FAT4: variants seen among roughly 807,000 people sequenced by gnomAD.
FAT4 encodes the protein FAT atypical cadherin 4, also known as protocadherin Fat 4.
Under a neutral mutation model 303.9 loss-of-function variants are expected in FAT4, and 84 were observed. That is an observed-to-expected ratio of 0.28 (90% CI 0.23 to 0.33). The LOEUF (loss-of-function observed/expected upper bound fraction) is 0.33, where lower values mean the gene tolerates loss of function less well. Ranked by LOEUF, FAT4 falls within the 10% of genes least tolerant of loss-of-function variation. The probability of loss-of-function intolerance (pLI) is 1.00; values close to 1 mark genes in which losing one functional copy is unlikely to be tolerated. For missense variants in FAT4, 6,005 were observed against 6,146.8 expected, an observed-to-expected ratio of 0.98 and a Z score of 0.77; for synonymous variants, 2,307 against 2,298.8, an observed-to-expected ratio of 1.00 and a Z score of -0.10.
At chr4:125,454,031 T>A (rs1476052315) in intron 10 of FAT4, among the ~76,000 whole-genome samples, 2 of 152,186 alleles carry the variant, frequency 1.3e-5, no homozygotes, top group African/African-American at 4.8e-5. Context: ...AGAGCAAAAT[T>A]CTATCTTATA....
At chr4:125,481,419 C>G in intron 15 of FAT4, 102 bp from the exon 16 acceptor site, 1 of 953,698 alleles carries the variant, frequency 1.0e-6, no homozygotes, top group Non-Finnish European at 1.6e-6. Context: ...ATTCCCAAAA[C>G]GACATTTTCA....
In FAT4 at chr4:125,321,180, T is replaced by C; in HGVS notation, c.4769T>C (p.Leu1590Ser). The C allele has an allele frequency of 6.2e-7, 1 of 1,614,174 alleles. No homozygotes were observed. Among genetic ancestry groups the C allele is most frequent in the Non-Finnish European group, 8.5e-7 (1 of 1,180,012 alleles). Residue 1590 changes from leucine to serine, a missense_variant, in exon 2 of 18, where the codon TTG becomes TCG. Leu to Ser is a moderately radical substitution (Grantham distance 145, BLOSUM62 -2). Transcript: ENST00000394329. ...GGAGACCTGAGAGTGGCTTCAGCGT[T>C]GGTGCCTTCACAGTTGATCTACAAT... is the stretch of plus-strand genomic sequence containing the variant. Reference protein sequence around the residue: ...YSGDLRVASALVPSQLIYNLI... With the variant: ...YSGDLRVASASVPSQLIYNLI...
At chr4:125,454,764 T>G (rs1001024080) in intron 10 of FAT4, among the ~76,000 whole-genome samples, 2 of 152,092 alleles carry the variant, frequency 1.3e-5, no homozygotes, top group African/African-American at 4.8e-5. Context: ...ACCCGGGAGA[T>G]GGAGGTTGCA....
Position 125,491,012 on chromosome 4 carries a change from T to A in FAT4, c.14196T>A (p.Thr4732=). Residue 4732 remains threonine (T), a synonymous_variant, in exon 18 of 18, where the codon ACT becomes ACA. Coordinates refer to ENST00000394329, the MANE Select transcript of FAT4 (RefSeq NM_001291303.3). ...ATCTTCCTATAAGGGATGGTAATAC[T>A]TTGGAAATGCATGGTGACACCTGCC... ...ELHLPIRDGN[T]LEMHGDTCQP... 1 of 1,614,208 alleles carries A rather than the reference T, an allele frequency of 6.2e-7. No individual in the cohort carries two copies.
chr4:125,393,842 T>C (rs922967308), intron 2 of FAT4: 13 of 667,412 alleles, frequency 1.9e-5, no homozygotes, highest in South Asian at 1.1e-4. Context: ...AGTCATGTGT[T>C]TGTCTCTAAA....
intron 11 of FAT4, among the ~76,000 whole-genome samples, chr4:125,466,923 T>C (rs909263647): frequency 7.2e-5 from 11 of 151,908 alleles, no homozygotes; most frequent in African/African-American, 1.5e-4. Context: ...TGCAGGTGCC[T>C]GCCACCATGC....
At chr4:125,355,479 C>G (rs2125981257) in intron 2 of FAT4, among the ~76,000 whole-genome samples, 1 of 151,984 alleles carries the variant, frequency 6.6e-6, no homozygotes, top group East Asian at 1.9e-4. Flanking sequence ...ATATTACGAA[C>G]TTGGTTTGAG....
intron 12 of FAT4, among the ~76,000 whole-genome samples, chr4:125,471,264 A>G (rs1246642679): frequency 1.3e-5 from 2 of 152,240 alleles, no homozygotes; most frequent in Admixed American, 6.5e-5. Flanking sequence ...AATATTTGAA[A>G]TATTGTGAGA....
At position 125,489,996 on chromosome 4, in the gene FAT4, C is replaced by T. The variant is rs772779154; in HGVS notation, c.13180C>T (p.Pro4394Ser). The T allele has an allele frequency of 1.1e-5, 18 of 1,613,824 alleles. No homozygotes were observed. The East Asian group carries it at 3.6e-4, about 32-fold the overall frequency. ...HSLASISKTDPSVKIGCRGPN... is the reference protein window; with the variant it reads ...HSLASISKTDSSVKIGCRGPN... ...CTTGGCCTCCATCTCAAAAACAGAT[C>T]CCTCAGTGAAGATTGGCTGCCGTGG... is the stretch of plus-strand genomic sequence containing the variant. The change falls in exon 18 of 18, where the codon CCC (proline) becomes TCC (serine). Residue 4394 changes from proline (P) to serine (S), a missense_variant. Transcript: ENST00000394329.
In FAT4 at chr4:125,319,611, T is replaced by G. The variant is rs1435332190; in HGVS notation, c.3200T>G (p.Val1067Gly). Residue 1067 changes from valine (V) to glycine (G), a missense_variant, in exon 2 of 18, where the codon GTT (valine) becomes GGT (glycine). Val to Gly is a moderately radical substitution (Grantham distance 109). Transcript: ENST00000394329. The stretch of plus-strand genomic sequence containing the variant: ...GACCGTGAACTTCAAGACAGATATG[T>G]TTTAATGGTTGTTGCTTCTGACAGA... The part of the protein sequence containing the change: ...ELDRELQDRY[V>G]LMVVASDRAV... The G allele has an allele frequency of 6.2e-7, 1 of 1,614,072 alleles. No individual in the cohort carries two copies. The highest frequency in any genetic ancestry group is 8.5e-7 in the Non-Finnish European group (1 of 1,179,918).
intron 2 of FAT4, among the ~76,000 whole-genome samples, chr4:125,389,825 A>G (rs79031396): frequency 0.054 from 8,222 of 152,274 alleles, 235 homozygotes; most frequent in Middle Eastern, 0.095. Context: ...TTGTTCATAG[A>G]GATCAGGCCT....
intron 2 of FAT4, among the ~76,000 whole-genome samples, chr4:125,321,841 A>G (rs1271240203): frequency 6.6e-6 from 1 of 152,186 alleles, no homozygotes; most frequent in African/African-American, 2.4e-5. Flanking sequence ...AAGGTTAAGG[A>G]GAAATCTTTA....
intron 8 of FAT4, among the ~76,000 whole-genome samples, chr4:125,445,498 T>A (rs1265899278): frequency 6.6e-6 from 1 of 152,158 alleles, no homozygotes; most frequent in African/African-American, 2.4e-5. Flanking sequence ...ATCTTTCAAC[T>A]TTAAAAATTA....
Position 125,481,603 on chromosome 4 carries a change from T to C in FAT4, c.12687T>C (p.Tyr4229=), listed in dbSNP as rs146931633. The part of the protein sequence containing the change: ...YHMSQNEKRE[Y]LLRQSLRGAM... ...TGAGTCAGAATGAGAAGCGGGAATA[T>C]TTGTTAAGGCAAAGCTTACGAGGTG... The change falls in exon 16 of 18, where the codon TAT becomes TAC. Residue 4229 remains tyrosine, a synonymous_variant. Coordinates refer to ENST00000394329, the MANE Select transcript of FAT4 (RefSeq NM_001291303.3). 6.2e-6 allele frequency: 10 copies of C among 1,613,928 alleles called. No homozygotes were observed. The highest frequency in any genetic ancestry group is 8.5e-6 in the Non-Finnish European group (10 of 1,179,944).
chr4:125,321,088 T>C lies in FAT4; in HGVS notation c.4677T>C (p.Ala1559=). 6.2e-7 allele frequency: 1 copy of C among 1,614,218 alleles called. No individual in the cohort carries two copies. Among genetic ancestry groups the C allele is most frequent in the Non-Finnish European group, 8.5e-7 (1 of 1,180,026 alleles). Residue 1559 remains alanine, a synonymous_variant, in exon 2 of 18, where the codon GCT becomes GCC. Coordinates refer to ENST00000394329, the MANE Select transcript of FAT4 (RefSeq NM_001291303.3). ...TIMAADPDEG[A]NGEIEYEIIN... is the part of the protein sequence containing the mutation. ...TGGCTGCTGACCCAGATGAAGGTGCTAATGGAGAAATAGAGTATGAGATCA... is the reference window on the plus strand; with the variant it reads ...TGGCTGCTGACCCAGATGAAGGTGCCAATGGAGAAATAGAGTATGAGATCA...
chr4:125,356,542 G>T (rs938061457), intron 2 of FAT4, among the ~76,000 whole-genome samples: 143 of 98,382 alleles, frequency 1.5e-3, no homozygotes, highest in African/African-American at 4.6e-3. Context: ...AGGGTGTTTT[G>T]TTTTTTGTTT....
rs184928820 is a variant in FAT4 at position 125,467,886 on chromosome 4, C to T, written c.11906-626C>T. On this transcript the variant is annotated intron_variant, in intron 11 of 17. Coordinates refer to ENST00000394329, the MANE Select transcript of FAT4 (RefSeq NM_001291303.3). ...TTTTAAAAGATCAACAAATTTGGGC[C>T]GCTTGCGGTAGCTCATGCCTGTAAT... 1.3e-3 allele frequency among the ~76,000 whole-genome samples: 194 copies of T among 152,218 alleles called. 2 individuals carry two copies. The highest frequency in any genetic ancestry group is 4.3e-3 in the African/African-American group (179 of 41,532).
At position 125,320,554 on chromosome 4, in the gene FAT4, A is replaced by G; in HGVS notation, c.4143A>G (p.Glu1381=). The change falls in exon 2 of 18, where the codon GAA becomes GAG. Residue 1381 remains glutamate, a synonymous_variant. Coordinates refer to ENST00000394329, the MANE Select transcript of FAT4 (RefSeq NM_001291303.3). The stretch of plus-strand genomic sequence containing the variant: ...TTCTTGCCAAAAAACTGGACTTTGA[A>G]ACACAGTCTTTGTATAAATTAAATA... ...SIFLAKKLDF[E]TQSLYKLNIT... The G allele has an allele frequency of 6.2e-7, 1 of 1,614,006 alleles. No homozygotes were observed. Among genetic ancestry groups the G allele is most frequent in the Non-Finnish European group, 8.5e-7 (1 of 1,179,896 alleles).
intron 2 of FAT4, among the ~76,000 whole-genome samples, chr4:125,391,399 T>C (rs895697894): frequency 6.6e-6 from 1 of 152,156 alleles, no homozygotes; most frequent in African/African-American, 2.4e-5. Flanking sequence ...GCCGTCATCC[T>C]CAGCAAACTA....
Sources: allele counts gnomAD v4.1 joint callset (sites outside exome capture counted in the v4.1 genomes callset), GRCh38; gene constraint gnomAD v4.1.1; transcripts MANE v1.5; gene names NCBI Gene and HGNC (gene_info 2026-07-23, HGNC 2026-07-21).